SLC4A10: variants seen among roughly 807,000 people sequenced by gnomAD.
SLC4A10 encodes the protein sodium-driven chloride bicarbonate exchanger.
A neutral mutation model predicts 137.7 loss-of-function variants in SLC4A10; 42 were observed. That is an observed-to-expected ratio of 0.30 (90% CI 0.24 to 0.39). SLC4A10 has a LOEUF of 0.39. Among genes scored for constraint, SLC4A10 ranks in the 10% least tolerant of loss-of-function variants. The pLI, the probability that SLC4A10 is intolerant of heterozygous loss-of-function variation, is 1.00. For missense variants in SLC4A10, 925 were observed against 1,355.0 expected (o/e 0.68, Z 4.98); for synonymous variants, 474 against 464.1 (o/e 1.02, Z -0.27).
chr2:161,676,709 G>A (rs576888684), intron 1 of SLC4A10, among the ~76,000 whole-genome samples: 1 of 152,176 alleles, frequency 6.6e-6, no homozygotes, highest in Non-Finnish European at 1.5e-5. Context: ...GAAAAGAATT[G>A]ATATCAAAAA....
At chr2:161,882,543 C>T (rs1309881645) in intron 10 of SLC4A10, 99 bp downstream of exon 10, 3 of 648,382 alleles carry the variant, frequency 4.6e-6, no homozygotes, top group Non-Finnish European at 7.4e-6. Flanking sequence ...AATCAGATTT[C>T]TCTGTATTGA....
chr2:161,972,580 A>G (rs1698740944), intron 23 of SLC4A10, among the ~76,000 whole-genome samples: 1 of 152,216 alleles, frequency 6.6e-6, no homozygotes, highest in Non-Finnish European at 1.5e-5. Context: ...AGGCCCTAAA[A>G]GAAAATTTTT....
chr2:161,930,316 C>T (rs530696748), intron 15 of SLC4A10, among the ~76,000 whole-genome samples: 1 of 152,032 alleles, frequency 6.6e-6, no homozygotes, highest in East Asian at 1.9e-4. Context: ...AAAAATCTCT[C>T]CTACCACTCA....
At chr2:161,886,123 G>A (rs960586990) in intron 10 of SLC4A10, among the ~76,000 whole-genome samples, 2 of 151,994 alleles carry the variant, frequency 1.3e-5, no homozygotes, top group African/African-American at 4.8e-5. Flanking sequence ...AATAACAATA[G>A]TAAAGCCATT....
intron 1 of SLC4A10, among the ~76,000 whole-genome samples, chr2:161,632,624 G>A (rs945149189): frequency 2.0e-5 from 3 of 151,168 alleles, no homozygotes; most frequent in African/African-American, 4.8e-5. Flanking sequence ...CTAAACAACG[G>A]GATTATTGAA....
At chr2:161,958,180 T>C (rs1696000765) in intron 20 of SLC4A10, among the ~76,000 whole-genome samples, 1 of 152,162 alleles carries the variant, frequency 6.6e-6, no homozygotes, top group African/African-American at 2.4e-5. Flanking sequence ...AATAATAATA[T>C]TATTGTTCAT....
intron 1 of SLC4A10, among the ~76,000 whole-genome samples, chr2:161,767,202 GTA>G (rs772123002): frequency 0.23 from 15,427 of 67,102 alleles, 1,494 homozygotes; most frequent in Admixed American, 0.38. Context: ...GTGTGTGTGT[GTA>G]TATATATATA....
intron 11 of SLC4A10, among the ~76,000 whole-genome samples, chr2:161,898,028 A>T (rs1400599709): frequency 1.3e-5 from 2 of 152,140 alleles, no homozygotes; most frequent in Non-Finnish European, 2.9e-5. Context: ...AATCGAATTA[A>T]TTATTGGATT....
intron 17 of SLC4A10, 119 bp from the exon 18 acceptor site, chr2:161,949,029 A>G (rs1201590742): frequency 1.7e-6 from 1 of 604,850 alleles, no homozygotes; most frequent in East Asian, 3.0e-5. Context: ...TATGCATAAA[A>G]TATAATATTA....
chr2:161,814,490 G>A (rs1283491087), intron 3 of SLC4A10, among the ~76,000 whole-genome samples: 1 of 152,134 alleles, frequency 6.6e-6, no homozygotes, highest in African/African-American at 2.4e-5. Flanking sequence ...GTTAATCACA[G>A]TGCTATTCAC....
chr2:161,800,937 A>T (rs989846062), intron 2 of SLC4A10, among the ~76,000 whole-genome samples: 14 of 152,096 alleles, frequency 9.2e-5, no homozygotes, highest in Admixed American at 2.0e-4. Flanking sequence ...GGAGAGAAGC[A>T]GCCATCACTG....
In SLC4A10 at chr2:161,868,629, C is replaced by A. The variant is rs185096455; in HGVS notation, c.767-3664C>A. On this transcript the variant is annotated intron_variant, in intron 6 of 26. Transcript: ENST00000446997. ...AATATGAATACTATATAATATATAT[C>A]TTAATTGGTAAGATATCAAACAAAT... is the stretch of plus-strand genomic sequence containing the variant. 2.4e-3 allele frequency among the ~76,000 whole-genome samples: 364 copies of A among 151,466 alleles called. 1 individual carries two copies. The highest frequency in any genetic ancestry group is 8.4e-3 in the African/African-American group (346 of 41,414).
rs151191320 is a variant in SLC4A10 at position 161,693,004 on chromosome 2, A to G, written c.48+68438A>G. The stretch of plus-strand genomic sequence containing the variant: ...TTTTCAGGTTGCTTAAATTGAAACA[A>G]TAAACAGTGTTTCACGGATGATTGC... On this transcript the variant is annotated intron_variant, in intron 1 of 26. Coordinates refer to ENST00000446997, the MANE Select transcript of SLC4A10 (RefSeq NM_001178015.2). Among the ~76,000 whole-genome samples, 472 of 152,228 alleles carry G rather than the reference A, an allele frequency of 3.1e-3. 2 individuals carry two copies. The highest frequency in any genetic ancestry group is 0.011 in the African/African-American group (447 of 41,554).
chr2:161,753,931 C>T (rs2049295170), intron 1 of SLC4A10, among the ~76,000 whole-genome samples: 1 of 149,670 alleles, frequency 6.7e-6, no homozygotes, highest in African/African-American at 2.5e-5. Context: ...GCTCTGTTGC[C>T]CAGGCTGGAG....
At chr2:161,636,829 A>G (rs2034466667) in intron 1 of SLC4A10, among the ~76,000 whole-genome samples, 1 of 151,944 alleles carries the variant, frequency 6.6e-6, no homozygotes, top group South Asian at 2.1e-4. Flanking sequence ...AGGCAGGACT[A>G]CAAGTGTGCA....
rs79317495 is a variant in SLC4A10, at chr2:161,798,938, T to G, written c.131-5511T>G. ...GGTTTTACAAGACAGAAGAAAAGAA[T>G]CAATTCATTTTTAGTTCTGAGCCTG... On this transcript the variant is annotated intron_variant, in intron 2 of 26. Coordinates refer to ENST00000446997, the MANE Select transcript of SLC4A10 (RefSeq NM_001178015.2). Among the ~76,000 whole-genome samples the G allele has an allele frequency of 2.5e-4, 38 of 149,926 alleles. No individual in the cohort carries two copies. In the East Asian group the frequency reaches 7.2e-3, roughly 29 times the overall value.
At chr2:161,948,109 A>G (rs1232491795) in intron 17 of SLC4A10, among the ~76,000 whole-genome samples, 1 of 152,134 alleles carries the variant, frequency 6.6e-6, no homozygotes, top group East Asian at 1.9e-4. Context: ...ACTCATTGGA[A>G]CAATATTCTC....
At chr2:161,765,890 AC>A (rs953485032) in intron 1 of SLC4A10, among the ~76,000 whole-genome samples, 3 of 152,020 alleles carry the variant, frequency 2.0e-5, no homozygotes, top group African/African-American at 7.2e-5. Flanking sequence ...CCTTCATCAT[AC>A]CCCATGTTTA....
intron 19 of SLC4A10, among the ~76,000 whole-genome samples, chr2:161,955,818 T>C (rs1467058133): frequency 6.6e-6 from 1 of 152,208 alleles, no homozygotes; most frequent in Non-Finnish European, 1.5e-5. Flanking sequence ...AAGACTATTA[T>C]TCTCCTAGAA....
Sources: allele counts gnomAD v4.1 joint callset (sites outside exome capture counted in the v4.1 genomes callset), GRCh38; gene constraint gnomAD v4.1.1; transcripts MANE v1.5; gene names NCBI Gene and HGNC (gene_info 2026-07-23, HGNC 2026-07-21).